KIAA1328: variants seen among roughly 807,000 people sequenced by gnomAD.
The protein encoded by KIAA1328 is protein hinderin.
A neutral mutation model predicts 68.1 loss-of-function variants in KIAA1328; 52 were observed. The ratio of observed to expected loss-of-function variants is 0.76; its 90% CI spans 0.61 to 0.96. KIAA1328 has a LOEUF of 0.96. KIAA1328 is among the 40% of genes least tolerant of loss of function. KIAA1328 has a pLI of 0.00. For synonymous variants in KIAA1328, 232 were observed against 239.4 expected, an observed-to-expected ratio of 0.97 and a Z score of 0.28; for missense variants, 641 against 677.6, an observed-to-expected ratio of 0.95 and a Z score of 0.60.
At chr18:36,893,464 TTTGTG>T (rs1568132475) in intron 5 of KIAA1328, among the ~76,000 whole-genome samples, 35 of 126,586 alleles carry the variant, frequency 2.8e-4, no homozygotes, top group East Asian at 1.7e-3. Context: ...TGTGTGTGTT[TTTGTG>T]TGTGTGTGTG....
At chr18:37,049,042 C>T (rs2055587292) in intron 6 of KIAA1328, among the ~76,000 whole-genome samples, 1 of 152,168 alleles carries the variant, frequency 6.6e-6, no homozygotes, top group Non-Finnish European at 1.5e-5. Context: ...TATGCAAAAA[C>T]CATTATTTAT....
chr18:37,075,206 C>G (rs1568370993), intron 7 of KIAA1328: 1 of 151,694 alleles, frequency 6.6e-6, no homozygotes, highest in Non-Finnish European at 1.5e-5. Flanking sequence ...GAATTTTCAA[C>G]CCAGAATTTC....
intron 6 of KIAA1328, among the ~76,000 whole-genome samples, chr18:37,004,052 T>A (rs1478586932): frequency 6.6e-6 from 1 of 152,172 alleles, no homozygotes; most frequent in Non-Finnish European, 1.5e-5. Context: ...TTGCTTAGTC[T>A]TGCTTTGTCT....
chr18:37,231,294 G>A (rs1056495390), downstream of KIAA1328: 1 of 151,422 alleles, frequency 6.6e-6, no homozygotes, highest in Non-Finnish European at 1.5e-5. Context: ...TAGGCAAGTT[G>A]CCTATATTCT....
intron 6 of KIAA1328, among the ~76,000 whole-genome samples, chr18:36,990,936 C>T (rs1357732926): frequency 6.6e-6 from 1 of 152,088 alleles, no homozygotes; most frequent in African/African-American, 2.4e-5. Flanking sequence ...GCCTTGCCCT[C>T]AATTGAGATA....
chr18:36,950,823 A>G (rs1178820962), intron 5 of KIAA1328, among the ~76,000 whole-genome samples: 2 of 152,204 alleles, frequency 1.3e-5, no homozygotes, highest in Non-Finnish European at 2.9e-5. Flanking sequence ...GCCTTACCTC[A>G]GATTCTTACC....
intron 9 of KIAA1328, 83 bp from the exon 10 acceptor site, chr18:37,221,934 G>A: frequency 7.5e-7 from 1 of 1,339,426 alleles, no homozygotes; most frequent in Admixed American, 2.0e-5. Flanking sequence ...TTCTTGCCCT[G>A]GACAGCCCAT....
intron 5 of KIAA1328, among the ~76,000 whole-genome samples, chr18:36,887,266 A>G (rs1367206045): frequency 6.6e-6 from 1 of 152,012 alleles, no homozygotes; most frequent in African/African-American, 2.4e-5. Context: ...AGCCAGTTTT[A>G]TTTACTCTTC....
intron 7 of KIAA1328, among the ~76,000 whole-genome samples, chr18:37,145,570 G>A (rs1438182480): frequency 6.6e-6 from 1 of 152,008 alleles, no homozygotes; most frequent in Non-Finnish European, 1.5e-5. Flanking sequence ...ATCCAAATAT[G>A]ATTTTAATTT....
intron 5 of KIAA1328, among the ~76,000 whole-genome samples, chr18:36,925,736 C>T (rs1056430859): frequency 1.3e-5 from 2 of 151,786 alleles, no homozygotes; most frequent in Non-Finnish European, 2.9e-5. Context: ...ATGGGGTCTC[C>T]GTCTTTTGCC....
intron 6 of KIAA1328, among the ~76,000 whole-genome samples, chr18:37,062,841 A>G (rs1386000867): frequency 1.3e-5 from 2 of 152,158 alleles, no homozygotes; most frequent in Admixed American, 6.5e-5. Flanking sequence ...CAAATTGCTT[A>G]GGCAATTTGA....
intron 5 of KIAA1328, among the ~76,000 whole-genome samples, chr18:36,920,775 T>A (rs2049889178): frequency 6.6e-6 from 1 of 152,202 alleles, no homozygotes; most frequent in Non-Finnish European, 1.5e-5. Context: ...CCAGTGTTTT[T>A]TTTCATTGGC....
At chr18:36,989,970 G>A (rs767956770) in intron 6 of KIAA1328, among the ~76,000 whole-genome samples, 57 of 152,262 alleles carry the variant, frequency 3.7e-4, no homozygotes, top group Non-Finnish European at 5.1e-4. Flanking sequence ...TGGGAGTACA[G>A]GTGTGAGCCG....
chr18:37,080,069 G>A (rs2151794779), intron 7 of KIAA1328, among the ~76,000 whole-genome samples: 1 of 152,290 alleles, frequency 6.6e-6, no homozygotes, highest in East Asian at 1.9e-4. Context: ...AAGGTTCACA[G>A]TATACTCTGG....
At chr18:37,106,788 G>T (rs1407291013) in intron 7 of KIAA1328, among the ~76,000 whole-genome samples, 1 of 152,116 alleles carries the variant, frequency 6.6e-6, no homozygotes, top group Admixed American at 6.5e-5. Context: ...ATTGTTCCCT[G>T]TGTTTCGTAT....
chr18:37,048,895 G>A (rs2055581393), intron 6 of KIAA1328, among the ~76,000 whole-genome samples: 1 of 152,122 alleles, frequency 6.6e-6, no homozygotes, highest in Admixed American at 6.6e-5. Flanking sequence ...CTTCCTGCTT[G>A]TTGGTTCTTT....
intron 6 of KIAA1328, among the ~76,000 whole-genome samples, chr18:37,001,615 A>T (rs2053587795): frequency 6.6e-6 from 1 of 152,188 alleles, no homozygotes; most frequent in African/African-American, 2.4e-5. Context: ...AAAAGTCCTC[A>T]ACAGTATACT....
At chr18:37,191,335 T>C (rs1048414756) in intron 9 of KIAA1328, among the ~76,000 whole-genome samples, 8 of 152,240 alleles carry the variant, frequency 5.3e-5, no homozygotes, top group Non-Finnish European at 1.0e-4. Context: ...GAAATACTAC[T>C]GTTCTCAAAG....
At chr18:37,130,380 G>C (rs2058493259) in intron 7 of KIAA1328, among the ~76,000 whole-genome samples, 1 of 152,198 alleles carries the variant, frequency 6.6e-6, no homozygotes, top group African/African-American at 2.4e-5. Flanking sequence ...AGCACTTTGG[G>C]AGGCCGAGGC....
Sources: allele counts gnomAD v4.1 joint callset (sites outside exome capture counted in the v4.1 genomes callset), GRCh38; gene constraint gnomAD v4.1.1; transcripts MANE v1.5; gene names NCBI Gene and HGNC (gene_info 2026-07-23, HGNC 2026-07-21).